Variants in DCLRE1C observed in about 807,000 individuals in gnomAD.
The protein encoded by DCLRE1C is DNA cross-link repair 1C.
DCLRE1C carries 47 observed loss-of-function variants against 61.4 expected under a neutral mutation model. That is an observed-to-expected ratio of 0.77 (90% CI 0.61 to 0.98). The LOEUF (loss-of-function observed/expected upper bound fraction) is 0.98, where lower values mean the gene tolerates loss of function less well. DCLRE1C is among the 50% of genes least tolerant of loss of function. The pLI is 0.00. For missense variants in DCLRE1C, 858 were observed against 816.0 expected, an observed-to-expected ratio of 1.05 and a Z score of -0.63; for synonymous variants, 337 against 287.6, an observed-to-expected ratio of 1.17 and a Z score of -1.74.
At chr10:14,919,316 G>A (rs1287226107) in intron 13 of DCLRE1C, among the ~76,000 whole-genome samples, 1 of 152,030 alleles carries the variant, frequency 6.6e-6, no homozygotes, top group Admixed American at 6.5e-5. Context: ...AAACACTACT[G>A]ATCAACTTGA....
chr10:14,920,491 C>G, intron 12 of DCLRE1C: 1 of 939,350 alleles, frequency 1.1e-6, no homozygotes, highest in Non-Finnish European at 1.3e-6. Context: ...CAACCTGAAA[C>G]TTCTTTACAG....
chr10:14,915,972 C>G (rs1009469509), intron 13 of DCLRE1C, among the ~76,000 whole-genome samples: 3 of 152,080 alleles, frequency 2.0e-5, no homozygotes, highest in African/African-American at 7.2e-5. Context: ...GTGTATGTCA[C>G]CATATTAACA....
intron 3 of DCLRE1C, 48 bp downstream of exon 3, chr10:14,945,057 A>G (rs758337253): frequency 1.7e-5 from 24 of 1,445,672 alleles, no homozygotes; most frequent in African/African-American, 5.7e-5. Flanking sequence ...ACCTCTAAAA[A>G]TACTTCCCAC....
At chr10:14,920,082 C>T (rs41299706) in intron 12 of DCLRE1C, among the ~76,000 whole-genome samples, 81 of 152,134 alleles carry the variant, frequency 5.3e-4, no homozygotes, top group African/African-American at 1.7e-3. Context: ...AAATGCAACC[C>T]GGTTGATGTT....
Position 14,908,987 on chromosome 10 carries a change from TG to T in DCLRE1C, c.1499del (p.Thr500LysfsTer44). The T allele has an allele frequency of 6.2e-7, 1 of 1,614,150 alleles. No individual in the cohort carries two copies. Among genetic ancestry groups the T allele is most frequent in the South Asian group, 1.1e-5 (1 of 91,078 alleles). On this transcript the variant is annotated frameshift_variant, in exon 14 of 14. Coordinates refer to ENST00000378278, the MANE Select transcript of DCLRE1C (RefSeq NM_001033855.3). LOFTEE classifies it low-confidence loss of function (END_TRUNC). The part of the protein sequence containing the change: ...EVFFKRNDEI[T>X]DESLENFPSS... ...AAGGGAAGTTTTCCAAACTCTCATC[TG>T]TGATTTCATCATTTCTTTTAAAGAA...
At chr10:14,914,312 C>T (rs1835798148) in intron 13 of DCLRE1C, among the ~76,000 whole-genome samples, 1 of 152,156 alleles carries the variant, frequency 6.6e-6, no homozygotes, top group Non-Finnish European at 1.5e-5. Flanking sequence ...AGGTATCAAT[C>T]CCTCAAGAGG....
rs540392797 is a variant in DCLRE1C, at chr10:14,931,692, A to G, written c.780+1162T>C. Among the ~76,000 whole-genome samples the G allele has an allele frequency of 7.2e-5, 11 of 152,316 alleles. No homozygotes were observed. In the East Asian group the frequency reaches 7.7e-4, roughly 11 times the overall value. On this transcript the variant is annotated intron_variant, in intron 9 of 13. Coordinates refer to ENST00000378278, the MANE Select transcript of DCLRE1C (RefSeq NM_001033855.3). ...AAGTGTGAAAAAAAGTTATGTCTAG[A>G]TATTTATCTCAAGTAGAAGAAAAAG...
Position 14,954,074 on chromosome 10 carries a change from C to T in DCLRE1C, c.-64G>A, listed in dbSNP as rs1418401044. The T allele has an allele frequency of 1.9e-6, 3 of 1,605,144 alleles. No individual in the cohort carries two copies. The highest frequency in any genetic ancestry group is 1.1e-5 in the South Asian group (1 of 90,806). ...AGCTGAAGCCAAGGCCAGCCCTGAC[C>T]GCGCCGCCACTTCCGGGAAGCCGCG... On this transcript the variant is annotated 5_prime_UTR_variant, in exon 1 of 14. Transcript: ENST00000378278.
chr10:14,927,574 G>C (rs1039267714), intron 10 of DCLRE1C, among the ~76,000 whole-genome samples: 2 of 144,232 alleles, frequency 1.4e-5, no homozygotes, highest in Admixed American at 6.9e-5. Flanking sequence ...GGGAGGGAGT[G>C]GGGGGGGAGA....
In DCLRE1C at chr10:14,907,018, A is replaced by C. The variant is rs12245956; in HGVS notation, c.*1390T>G. Among the ~76,000 whole-genome samples, 48 of 152,008 alleles carry C rather than the reference A, an allele frequency of 3.2e-4. No individual in the cohort carries two copies. Among genetic ancestry groups the C allele is most frequent in the Non-Finnish European group, 5.9e-4 (40 of 67,964 alleles). ...CAAGTAGCGAGGACTACAGGTGCAC[A>C]CCACCATGTCTGGCTAACATTTTGT... On this transcript the variant is annotated 3_prime_UTR_variant, in exon 14 of 14. Coordinates refer to ENST00000378278, the MANE Select transcript of DCLRE1C (RefSeq NM_001033855.3).
Position 14,908,302 on chromosome 10 carries a change from G to C in DCLRE1C, c.*106C>G. ...AAGTGTGAGCCACCACACCCAACCAGGTTATTTGAACATTTTTAAGTACTG... is the reference window on the plus strand; with the variant it reads ...AAGTGTGAGCCACCACACCCAACCACGTTATTTGAACATTTTTAAGTACTG... On this transcript the variant is annotated 3_prime_UTR_variant, in exon 14 of 14. Coordinates refer to ENST00000378278, the MANE Select transcript of DCLRE1C (RefSeq NM_001033855.3). The C allele has an allele frequency of 2.1e-6, 2 of 964,058 alleles. No individual in the cohort carries two copies. Among genetic ancestry groups the C allele is most frequent in the South Asian group, 2.7e-5 (2 of 73,020 alleles). The allele number at this position is 964,058 out of a possible 1,614,324, so 59.7% of individuals were successfully genotyped here. A position where few individuals can be genotyped will look rare whatever the true frequency, so the allele number is the denominator to read the frequency against.
chr10:14,909,967 CCTTA>C (rs1834975292), intron 13 of DCLRE1C, among the ~76,000 whole-genome samples: 1 of 152,074 alleles, frequency 6.6e-6, no homozygotes, highest in African/African-American at 2.4e-5. Flanking sequence ...ATGAAAAAAG[CCTTA>C]CTTAGAAAAA....
At chr10:14,953,858 GC>G in intron 1 of DCLRE1C, 43 bp downstream of exon 1, 1 of 1,610,984 alleles carries the variant, frequency 6.2e-7, no homozygotes, top group South Asian at 1.1e-5. Context: ...CCTCTCTCCA[GC>G]CCCCAGCGCC....
At chr10:14,926,918 A>G in intron 10 of DCLRE1C, 21 bp from the exon 11 acceptor site, 1 of 1,609,254 alleles carries the variant, frequency 6.2e-7, no homozygotes, top group Non-Finnish European at 8.5e-7. Flanking sequence ...GTGAAAACAC[A>G]AAATAAAAAG....
chr10:14,903,464 C>T (rs1361359208), downstream of DCLRE1C: 1 of 152,176 alleles, frequency 6.6e-6, no homozygotes, highest in East Asian at 1.9e-4. Flanking sequence ...GTAACAGTTC[C>T]TTTCCACCAG....
chr10:14,899,546 C>G (rs1183272138), intron 13 of DCLRE1C: 1 of 1,613,690 alleles, frequency 6.2e-7, no homozygotes, highest in Admixed American at 1.7e-5. Context: ...TAGGTAATCA[C>G]AAGTGAAGAA....
chr10:14,902,432 A>G (rs1356281978), downstream of DCLRE1C: 6 of 1,611,008 alleles, frequency 3.7e-6, no homozygotes, highest in Admixed American at 1.7e-5. Flanking sequence ...TTCAGATTCT[A>G]TTGACCACAG....
chr10:14,941,148 G>A (rs1187552921), intron 3 of DCLRE1C, among the ~76,000 whole-genome samples: 1 of 152,224 alleles, frequency 6.6e-6, no homozygotes, highest in Non-Finnish European at 1.5e-5. Flanking sequence ...AAAGTGCTGC[G>A]ATTACAGGTG....
At chr10:14,932,779 T>C (rs1839239871) in intron 9 of DCLRE1C, 75 bp downstream of exon 9, 1 of 1,552,114 alleles carries the variant, frequency 6.4e-7, no homozygotes, top group Admixed American at 1.7e-5. Context: ...GAAGAGCCTA[T>C]AAATGGAAGC....
Sources: gnomAD v4.1 joint callset for allele counts (sites outside exome capture counted in the v4.1 genomes callset) on GRCh38, gnomAD v4.1.1 for gene constraint, MANE v1.5 for transcripts, NCBI Gene and HGNC (gene_info 2026-07-23, HGNC 2026-07-21) for gene names.